Variants in GMDS observed in about 807,000 individuals in gnomAD.
GMDS encodes the protein GDP-mannose 4,6-dehydratase.
Under a neutral mutation model 49.9 loss-of-function variants are expected in GMDS, and 20 were observed. The observed-to-expected ratio is 0.40, with a 90% CI of 0.28 to 0.58. The LOEUF (loss-of-function observed/expected upper bound fraction) is 0.58. Among genes scored for constraint, GMDS ranks in the 20% least tolerant of loss-of-function variants. GMDS has a pLI of 0.42. For missense variants in GMDS, 362 were observed against 481.4 expected, an observed-to-expected ratio of 0.75 and a Z score of 2.32; for synonymous variants, 177 against 178.6, an observed-to-expected ratio of 0.99 and a Z score of 0.07.
At chr6:1,851,580 T>G (rs1757673775) in intron 7 of GMDS, among the ~76,000 whole-genome samples, 2 of 152,128 alleles carry the variant, frequency 1.3e-5, no homozygotes, top group African/African-American at 4.8e-5. Flanking sequence ...AACGAGGCAT[T>G]TAATACATTT....
At chr6:2,202,104 G>T (rs1054752648) in intron 1 of GMDS, among the ~76,000 whole-genome samples, 1 of 144,244 alleles carries the variant, frequency 6.9e-6, no homozygotes, top group Non-Finnish European at 1.5e-5. Flanking sequence ...ATGCACATCC[G>T]AGATGTAACC....
chr6:2,215,274 C>T (rs565221943), intron 1 of GMDS, among the ~76,000 whole-genome samples: 4 of 151,946 alleles, frequency 2.6e-5, no homozygotes, highest in Non-Finnish European at 4.4e-5. Flanking sequence ...GTTATTAGTC[C>T]GTTTTCAAGC....
intron 4 of GMDS, among the ~76,000 whole-genome samples, chr6:2,052,577 C>T (rs9405541): frequency 0.2 from 29,784 of 152,148 alleles, 3,129 homozygotes; most frequent in Admixed American, 0.22. Flanking sequence ...ACCTTACATT[C>T]CTTCCTTGGT....
At chr6:1,771,073 CAT>C (rs1461572238) in intron 7 of GMDS, among the ~76,000 whole-genome samples, 1 of 152,110 alleles carries the variant, frequency 6.6e-6, no homozygotes, top group Non-Finnish European at 1.5e-5. Flanking sequence ...GTTTATAAGG[CAT>C]AGTCACTTAT....
intron 6 of GMDS, 69 bp from the exon 7 acceptor site, chr6:1,930,299 A>C: frequency 1.0e-5 from 14 of 1,346,356 alleles, no homozygotes; most frequent in Admixed American, 1.9e-5. Context: ...GGTGAACCAA[A>C]CCCGATTTCG....
intron 9 of GMDS, among the ~76,000 whole-genome samples, chr6:1,662,845 G>A (rs1764123918): frequency 6.6e-6 from 1 of 152,210 alleles, no homozygotes; most frequent in Non-Finnish European, 1.5e-5. Flanking sequence ...CAGCTGGGAG[G>A]AATGCTACTT....
chr6:1,695,952 A>G (rs1765326197), intron 9 of GMDS, among the ~76,000 whole-genome samples: 1 of 103,656 alleles, frequency 9.6e-6, no homozygotes, highest in Non-Finnish European at 1.9e-5. Context: ...TTTAGCTTTG[A>G]TGACAAAAAC....
At chr6:2,072,347 A>G (rs892859017) in intron 4 of GMDS, among the ~76,000 whole-genome samples, 1 of 152,242 alleles carries the variant, frequency 6.6e-6, no homozygotes, top group African/African-American at 2.4e-5. Flanking sequence ...TGAATATTTG[A>G]AGAAAAGTAA....
intron 4 of GMDS, 117 bp downstream of exon 4, chr6:2,115,654 A>G (rs1774804505): frequency 7.4e-6 from 5 of 673,900 alleles, no homozygotes; most frequent in South Asian, 7.3e-5. Flanking sequence ...AACACTGACA[A>G]TTCAACTTGA....
At chr6:1,779,748 C>T (rs1769001884) in intron 7 of GMDS, among the ~76,000 whole-genome samples, 1 of 152,196 alleles carries the variant, frequency 6.6e-6, no homozygotes, top group South Asian at 2.1e-4. Context: ...ATGAAAAAAA[C>T]ACTGACCAAA....
chr6:1,845,328 T>C lies in GMDS; in HGVS notation c.771+84775A>G, dbSNP rs550715540. On this transcript the variant is annotated intron_variant, in intron 7 of 10. Coordinates refer to ENST00000380815, the MANE Select transcript of GMDS (RefSeq NM_001500.4). ...TATCCCATATTCAACATTGTACTTATGCTTTTAGAGGAAGAAAAGGATACC... is the reference window on the plus strand; with the variant it reads ...TATCCCATATTCAACATTGTACTTACGCTTTTAGAGGAAGAAAAGGATACC... 2.6e-5 allele frequency among the ~76,000 whole-genome samples: 4 copies of C among 152,340 alleles called. 1 individual carries two copies. The South Asian group carries it at 6.2e-4, about 24-fold the overall frequency.
At chr6:2,119,892 C>G (rs771789399) in intron 2 of GMDS, among the ~76,000 whole-genome samples, 1 of 152,124 alleles carries the variant, frequency 6.6e-6, no homozygotes, top group Non-Finnish European at 1.5e-5. Flanking sequence ...CAAGTTCTTT[C>G]CATTTAAAAC....
chr6:1,925,841 A>C (rs540467076), intron 7 of GMDS, among the ~76,000 whole-genome samples: 5 of 152,162 alleles, frequency 3.3e-5, no homozygotes, highest in African/African-American at 1.2e-4. Context: ...GCATTTCCCA[A>C]GACCACCCTG....
chr6:2,094,464 C>T (rs1457644706), intron 4 of GMDS, among the ~76,000 whole-genome samples: 3 of 152,322 alleles, frequency 2.0e-5, no homozygotes, highest in African/African-American at 7.2e-5. Flanking sequence ...GGCATGACTG[C>T]CAATAAAGCA....
At chr6:1,735,715 G>C (rs1247760940) in intron 8 of GMDS, among the ~76,000 whole-genome samples, 1 of 152,126 alleles carries the variant, frequency 6.6e-6, no homozygotes, top group African/African-American at 2.4e-5. Context: ...CTCCCAATCT[G>C]GACAAGGTCC....
At chr6:2,109,559 G>A (rs547741995) in intron 4 of GMDS, among the ~76,000 whole-genome samples, 17 of 152,230 alleles carry the variant, frequency 1.1e-4, no homozygotes, top group Non-Finnish European at 2.4e-4. Flanking sequence ...AGCATGTGAC[G>A]TGACCAGGAT....
At chr6:2,232,869 G>C (rs1781175352) in intron 1 of GMDS, among the ~76,000 whole-genome samples, 1 of 151,892 alleles carries the variant, frequency 6.6e-6, no homozygotes, top group Non-Finnish European at 1.5e-5. Context: ...TCCTCCATCG[G>C]CTTCTCCCCT....
chr6:1,718,995 T>C (rs142953194), intron 9 of GMDS, among the ~76,000 whole-genome samples: 1,944 of 152,266 alleles, frequency 0.013, 35 homozygotes, highest in African/African-American at 0.045. Context: ...GGGCAAGGCA[T>C]ACCTGATTTA....
At chr6:1,926,022 C>CGGAGAGA (rs1226933248) in intron 7 of GMDS, among the ~76,000 whole-genome samples, 1 of 152,084 alleles carries the variant, frequency 6.6e-6, no homozygotes, top group African/African-American at 2.4e-5. Context: ...TTGGCTGGGG[C>CGGAGAGA]GGAGAGAGGA....
Sources: gnomAD v4.1 joint callset for allele counts (sites outside exome capture counted in the v4.1 genomes callset) on GRCh38, gnomAD v4.1.1 for gene constraint, MANE v1.5 for transcripts, NCBI Gene and HGNC (gene_info 2026-07-23, HGNC 2026-07-21) for gene names.